Variants in MYO1E observed in about 807,000 individuals in gnomAD.
MYO1E encodes unconventional myosin-Ie.
In MYO1E, 68 loss-of-function variants were observed where a neutral mutation model predicts 151.1. The ratio of observed to expected loss-of-function variants is 0.45; its 90% confidence interval spans 0.37 to 0.55. MYO1E has a LOEUF of 0.55. Among genes scored for constraint, MYO1E ranks in the 20% least tolerant of loss-of-function variants. The pLI, the probability that MYO1E is intolerant of heterozygous loss-of-function variation, is 0.00. For synonymous variants in MYO1E, 601 were observed against 501.7 expected, an observed-to-expected ratio of 1.20 and a Z score of -2.64; for missense variants, 1,363 against 1,389.3, an observed-to-expected ratio of 0.98 and a Z score of 0.30.
In MYO1E at chr15:59,152,246, A is replaced by C. The variant is rs536181400; in HGVS notation, c.3080+1344T>G. On this transcript the variant is annotated intron_variant, in intron 26 of 27. Transcript: ENST00000288235. ...GTCTCAAAAAACAAAGCAACCAACC[A>C]ACAAACAAAAAGGTAGATGGATGGC... Among the ~76,000 whole-genome samples the C allele has an allele frequency of 2.0e-5, 3 of 152,320 alleles. No individual in the cohort carries two copies. In the South Asian group the frequency reaches 6.2e-4, roughly 32 times the overall value.
chr15:59,266,262 G>A (rs561832308), intron 2 of MYO1E, among the ~76,000 whole-genome samples: 10 of 152,110 alleles, frequency 6.6e-5, no homozygotes, highest in Admixed American at 1.3e-4. Context: ...AAAGCCGTTC[G>A]GATCATTGTC....
chr15:59,264,113 T>C (rs1047614453), intron 2 of MYO1E, among the ~76,000 whole-genome samples: 10 of 152,162 alleles, frequency 6.6e-5, no homozygotes, highest in Non-Finnish European at 1.0e-4. Context: ...TGCATTACAC[T>C]CACCACCAGT....
chr15:59,296,942 C>A (rs1438070685), intron 1 of MYO1E, among the ~76,000 whole-genome samples: 1 of 139,684 alleles, frequency 7.2e-6, no homozygotes. Context: ...CGGGTTCACG[C>A]CATTCTTCTG....
At chr15:59,158,773 A>C (rs770810182) in intron 24 of MYO1E, among the ~76,000 whole-genome samples, 8 of 152,246 alleles carry the variant, frequency 5.3e-5, no homozygotes, top group Non-Finnish European at 1.2e-4. Flanking sequence ...GGTTGGCATG[A>C]AGCCCGTTCT....
At chr15:59,209,210 G>A (rs1034630717) in intron 13 of MYO1E, among the ~76,000 whole-genome samples, 3 of 152,136 alleles carry the variant, frequency 2.0e-5, no homozygotes, top group Admixed American at 6.5e-5. Context: ...CTCTTTCAGC[G>A]TGTTACCCAT....
chr15:59,227,007 C>T lies in MYO1E; in HGVS notation c.642+452G>A, dbSNP rs149155626. ...CCTCCGGTAGCTCACGTTCTGGAGA[C>T]GCCTGCCCTGCAGGCAGGCTGAGGC... is the stretch of plus-strand genomic sequence containing the variant. On this transcript the variant is annotated intron_variant, in intron 7 of 27. Coordinates refer to ENST00000288235, the MANE Select transcript of MYO1E (RefSeq NM_004998.4). Among the ~76,000 whole-genome samples, 894 of 152,338 alleles carry T rather than the reference C, an allele frequency of 5.9e-3. 4 individuals are homozygous for T. Among genetic ancestry groups the T allele is most frequent in the Non-Finnish European group, 8.6e-3 (587 of 68,040 alleles).
At chr15:59,295,222 A>G (rs2140399415) in intron 1 of MYO1E, among the ~76,000 whole-genome samples, 1 of 152,216 alleles carries the variant, frequency 6.6e-6, no homozygotes, top group South Asian at 2.1e-4. Context: ...TAGGACTGAA[A>G]AAAGCTTAAG....
chr15:59,202,788 T>C (rs118102116), intron 15 of MYO1E, among the ~76,000 whole-genome samples: 1,524 of 152,264 alleles, frequency 0.01, 14 homozygotes, highest in Non-Finnish European at 0.016. Flanking sequence ...ACTGCCCAGG[T>C]TGGAGCGCAG....
At chr15:59,175,030 T>C (rs914210600) in intron 19 of MYO1E, among the ~76,000 whole-genome samples, 1 of 152,048 alleles carries the variant, frequency 6.6e-6, no homozygotes, top group Non-Finnish European at 1.5e-5. Context: ...GGGGCAGAAG[T>C]CACCCTAGAT....
chr15:59,186,024 G>A (rs943745863), intron 18 of MYO1E, among the ~76,000 whole-genome samples: 1 of 152,206 alleles, frequency 6.6e-6, no homozygotes, highest in Non-Finnish European at 1.5e-5. Context: ...TCTCAGTTGT[G>A]TGTCAGCAAA....
chr15:59,210,039 A>T (rs749327926), intron 13 of MYO1E, among the ~76,000 whole-genome samples: 6 of 151,554 alleles, frequency 4.0e-5, no homozygotes, highest in Non-Finnish European at 8.8e-5. Flanking sequence ...GTATTAGCTA[A>T]ATTTTGTGTT....
chr15:59,259,837 C>T (rs1566994728), intron 3 of MYO1E, among the ~76,000 whole-genome samples: 2 of 152,196 alleles, frequency 1.3e-5, no homozygotes, highest in Admixed American at 6.6e-5. Flanking sequence ...CTTCCCTCCC[C>T]TGAGACTCTC....
At chr15:59,144,828 A>G (rs1359999852) in intron 26 of MYO1E, among the ~76,000 whole-genome samples, 1 of 151,908 alleles carries the variant, frequency 6.6e-6, no homozygotes, top group Non-Finnish European at 1.5e-5. Context: ...TGTGTCATTA[A>G]TGAGAAGAAA....
chr15:59,191,369 A>AGAGAGAGAGAGAGAGAGAGAGAG (rs36017033), intron 17 of MYO1E, among the ~76,000 whole-genome samples: 1 of 135,654 alleles, frequency 7.4e-6, no homozygotes, highest in African/African-American at 2.7e-5. Context: ...AGAGAGAGAG[A>AGAGAGAGAGAGAGAGAGAGAGAG]AAGAAATGTC....
At chr15:59,205,275 G>T in intron 15 of MYO1E, 125 bp downstream of exon 15, 1 of 952,546 alleles carries the variant, frequency 1.0e-6, no homozygotes, top group Non-Finnish European at 1.7e-6. Flanking sequence ...TGATCCTCCT[G>T]CCTTAGCCTC....
In MYO1E at chr15:59,285,135, G is replaced by C. The variant is rs1416421495; in HGVS notation, c.4-12686C>G. ...ACTTTTCTTCCTAATCTAGCAAACT[G>C]ATTAAAATCAACAGACTTGGGTACA... On this transcript the variant is annotated intron_variant, in intron 1 of 27. Transcript: ENST00000288235. 2.6e-5 allele frequency among the ~76,000 whole-genome samples: 4 copies of C among 152,168 alleles called. No individual in the cohort carries two copies. The South Asian group carries it at 8.3e-4, about 31-fold the overall frequency.
intron 5 of MYO1E, among the ~76,000 whole-genome samples, chr15:59,234,543 G>C (rs766729177): frequency 6.6e-6 from 1 of 152,204 alleles, no homozygotes; most frequent in Non-Finnish European, 1.5e-5. Context: ...AAAGGGGCCA[G>C]ACATGGTGGC....
At chr15:59,233,931 T>C (rs11855088) in intron 5 of MYO1E, among the ~76,000 whole-genome samples, 23,701 of 151,854 alleles carry the variant, frequency 0.16, 2,803 homozygotes, top group East Asian at 0.53. Context: ...ATTAATTATA[T>C]AATAAAATCT....
At chr15:59,323,258 C>T (rs1260484508) in intron 1 of MYO1E, among the ~76,000 whole-genome samples, 1 of 151,316 alleles carries the variant, frequency 6.6e-6, no homozygotes, top group Non-Finnish European at 1.5e-5. Flanking sequence ...AACATCTGTT[C>T]CTAAAACCAA....
Sources: gnomAD v4.1 joint callset for allele counts (sites outside exome capture counted in the v4.1 genomes callset) on GRCh38, gnomAD v4.1.1 for gene constraint, MANE v1.5 for transcripts, NCBI Gene and HGNC (gene_info 2026-07-23, HGNC 2026-07-21) for gene names.